NEK10: variants seen among roughly 807,000 people sequenced by gnomAD.
The protein encoded by NEK10 is serine/threonine-protein kinase Nek10.
Under a neutral mutation model 159.8 loss-of-function variants are expected in NEK10, and 122 were observed. That is an observed-to-expected ratio of 0.76 (90% CI 0.66 to 0.89). NEK10 has a LOEUF of 0.89. NEK10 is among the 40% of genes least tolerant of loss of function. NEK10 has a pLI of 0.00. For synonymous variants in NEK10, 466 were observed against 457.1 expected (o/e 1.02, Z -0.25); for missense variants, 1,342 against 1,323.1 (o/e 1.01, Z -0.22).
intron 1 of NEK10, among the ~76,000 whole-genome samples, chr3:27,363,278 G>C (rs1024214067): frequency 6.6e-6 from 1 of 152,184 alleles, no homozygotes; most frequent in African/African-American, 2.4e-5. Context: ...TGCAGCTTTT[G>C]ACAAACAGGC....
chr3:27,358,725 C>T (rs893582804), intron 1 of NEK10, among the ~76,000 whole-genome samples: 1 of 152,168 alleles, frequency 6.6e-6, no homozygotes, highest in African/African-American at 2.4e-5. Flanking sequence ...GTTGCCTTAG[C>T]TACTCAAAAG....
At chr3:27,171,499 A>G (rs1343493903) in intron 29 of NEK10, among the ~76,000 whole-genome samples, 1 of 152,148 alleles carries the variant, frequency 6.6e-6, no homozygotes, top group Non-Finnish European at 1.5e-5. Context: ...AGAACAAGAT[A>G]TAAGACCAGG....
chr3:27,114,064 C>T (rs1940012701), intron 35 of NEK10, among the ~76,000 whole-genome samples: 1 of 152,160 alleles, frequency 6.6e-6, no homozygotes, highest in Admixed American at 6.6e-5. Flanking sequence ...TGTAATTTAT[C>T]ATACAACCAT....
chr3:27,333,934 C>A (rs2046611706), intron 5 of NEK10, among the ~76,000 whole-genome samples: 1 of 152,216 alleles, frequency 6.6e-6, no homozygotes, highest in Non-Finnish European at 1.5e-5. Context: ...TCACTAAAAA[C>A]ATTGCCTCTC....
rs147191294 is a variant in NEK10 at position 27,264,892 on chromosome 3, CTAAATAAATAAATAAA to C, written c.2015-8537_2015-8522del. 5.3e-3 allele frequency among the ~76,000 whole-genome samples: 772 copies of C among 144,802 alleles called. 3 individuals carry two copies. Among genetic ancestry groups the C allele is most frequent in the African/African-American group, 0.017 (656 of 39,102 alleles). 95.0% of individuals were successfully genotyped at this position (144,802 alleles called of 152,430 possible). ...CTGGGCAACATGAGCGAAAATCAGT[CTAAATAAATAAATAAA>C]TAAATAAATAAATAAATAAATAAAT... On this transcript the variant is annotated intron_variant, in intron 22 of 35. Transcript: ENST00000691995.
intron 1 of NEK10, among the ~76,000 whole-genome samples, chr3:27,355,554 G>C (rs1187646697): frequency 6.6e-6 from 1 of 151,778 alleles, no homozygotes; most frequent in East Asian, 1.9e-4. Context: ...CCATATTCAA[G>C]CCACCAGCAA....
intron 20 of NEK10, among the ~76,000 whole-genome samples, chr3:27,285,505 A>G (rs1345450536): frequency 7.2e-6 from 1 of 139,318 alleles, no homozygotes; most frequent in Non-Finnish European, 1.5e-5. Flanking sequence ...AATTTCTGTT[A>G]TGTCTTTCAA....
rs185180394 is a variant in NEK10, at chr3:27,219,795, T to C, written c.2091-17238A>G. 3.3e-5 allele frequency among the ~76,000 whole-genome samples: 5 copies of C among 152,320 alleles called. No individual in the cohort carries two copies. The East Asian group carries it at 7.7e-4, about 24-fold the overall frequency. ...GGAAAGAAGTAAGACAATTTCTATT[T>C]GCAGGTGCTATGATATTTTGTGTAG... On this transcript the variant is annotated intron_variant, in intron 23 of 35. Coordinates refer to ENST00000691995, the MANE Select transcript of NEK10 (RefSeq NM_001394966.1).
At chr3:27,246,447 A>C (rs921625495) in intron 23 of NEK10, among the ~76,000 whole-genome samples, 1 of 152,130 alleles carries the variant, frequency 6.6e-6, no homozygotes, top group African/African-American at 2.4e-5. Context: ...TAGTAGGTGT[A>C]TATGTTTATG....
At chr3:27,228,227 T>C (rs1398357058) in intron 23 of NEK10, among the ~76,000 whole-genome samples, 1 of 152,194 alleles carries the variant, frequency 6.6e-6, no homozygotes, top group African/African-American at 2.4e-5. Flanking sequence ...CTATGTGATT[T>C]GGTTATTAAA....
intron 6 of NEK10, among the ~76,000 whole-genome samples, chr3:27,317,096 A>G (rs979799097): frequency 1.3e-5 from 2 of 152,212 alleles, no homozygotes; most frequent in African/African-American, 4.8e-5. Flanking sequence ...TCATTATGTT[A>G]TGTACTCAAG....
intron 23 of NEK10, among the ~76,000 whole-genome samples, chr3:27,214,312 C>T (rs78029498): frequency 6.6e-6 from 1 of 152,202 alleles, no homozygotes; most frequent in Admixed American, 6.5e-5. Context: ...TGACGGGTCA[C>T]GGTCCTCACA....
At chr3:27,314,797 G>A (rs988152759) in intron 6 of NEK10, among the ~76,000 whole-genome samples, 3 of 152,166 alleles carry the variant, frequency 2.0e-5, no homozygotes, top group African/African-American at 7.2e-5. Context: ...TGAACCAGCA[G>A]CACCCTCATT....
At chr3:27,177,689 A>C (rs962035402) in intron 26 of NEK10, among the ~76,000 whole-genome samples, 8 of 152,168 alleles carry the variant, frequency 5.3e-5, no homozygotes, top group Non-Finnish European at 1.0e-4. Context: ...TTTCACTGTG[A>C]GTATTTGAGT....
At chr3:27,357,648 T>C (rs950069873) in intron 1 of NEK10, among the ~76,000 whole-genome samples, 1 of 152,218 alleles carries the variant, frequency 6.6e-6, no homozygotes, top group Non-Finnish European at 1.5e-5. Flanking sequence ...TAAACTCTTA[T>C]TCTCAATTTC....
At chr3:27,114,018 C>T (rs1053617679) in intron 35 of NEK10, among the ~76,000 whole-genome samples, 3 of 152,142 alleles carry the variant, frequency 2.0e-5, no homozygotes, top group African/African-American at 7.2e-5. Context: ...CAGAAACATT[C>T]ATACTATCCA....
Position 27,131,634 on chromosome 3 carries a change from T to C in NEK10, c.3081+246A>G, listed in dbSNP as rs960158378. On this transcript the variant is annotated intron_variant, in intron 32 of 35. Coordinates refer to ENST00000691995, the MANE Select transcript of NEK10 (RefSeq NM_001394966.1). ...TAAAATATACACATTTCAAATTAAA[T>C]ATTACTTTTTCTTAGGAAAACATAC... 1.8e-4 allele frequency among the ~76,000 whole-genome samples: 27 copies of C among 152,280 alleles called. 1 individual carries two copies. Among genetic ancestry groups the C allele is most frequent in the Admixed American group, 1.6e-3 (25 of 15,294 alleles).
chr3:27,115,438 G>GT (rs1302317052), intron 35 of NEK10, among the ~76,000 whole-genome samples: 1 of 152,072 alleles, frequency 6.6e-6, no homozygotes, highest in East Asian at 1.9e-4. Flanking sequence ...GTAAATGGAG[G>GT]TTTTTTATTT....
At chr3:27,114,599 G>T (rs1287632424) in intron 35 of NEK10, among the ~76,000 whole-genome samples, 4 of 152,140 alleles carry the variant, frequency 2.6e-5, no homozygotes, top group Non-Finnish European at 5.9e-5. Context: ...CCTTAGAAAA[G>T]AATCTAATTT....
Sources: gnomAD v4.1 joint callset for allele counts (sites outside exome capture counted in the v4.1 genomes callset) on GRCh38, gnomAD v4.1.1 for gene constraint, MANE v1.5 for transcripts, NCBI Gene and HGNC (gene_info 2026-07-23, HGNC 2026-07-21) for gene names.